The following GPC5 variants were observed in gnomAD, a reference collection of about 807,000 sequenced individuals.
GPC5 encodes the protein glypican-5.
GPC5 carries 47 observed loss-of-function variants against 53.9 expected under a neutral mutation model. The ratio of observed to expected loss-of-function variants is 0.87; its 90% CI spans 0.69 to 1.11. The LOEUF (loss-of-function observed/expected upper bound fraction) is 1.11. GPC5 is among the 50% of genes most tolerant of loss of function. The pLI is 0.00. For missense variants in GPC5, 748 were observed against 713.1 expected (o/e 1.05, Z -0.56); for synonymous variants, 286 against 263.3 (o/e 1.09, Z -0.84).
intron 5 of GPC5, among the ~76,000 whole-genome samples, chr13:91,878,276 T>G (rs531157073): frequency 1.1e-4 from 16 of 152,196 alleles, no homozygotes; most frequent in Non-Finnish European, 2.4e-4. Context: ...TTCAATATTT[T>G]TTATTTGCTC....
chr13:91,914,958 T>G (rs890514845), intron 6 of GPC5, among the ~76,000 whole-genome samples: 1 of 152,196 alleles, frequency 6.6e-6, no homozygotes, highest in African/African-American at 2.4e-5. Context: ...ATTGGTCAGT[T>G]GCTAATTGCA....
intron 5 of GPC5, among the ~76,000 whole-genome samples, chr13:91,828,690 C>T (rs1394065074): frequency 1.3e-5 from 2 of 151,848 alleles, no homozygotes; most frequent in Non-Finnish European, 2.9e-5. Context: ...TGAAGAAGCT[C>T]CAAATGTACA....
At chr13:92,557,744 G>A (rs1468183243) in intron 7 of GPC5, among the ~76,000 whole-genome samples, 1 of 151,840 alleles carries the variant, frequency 6.6e-6, no homozygotes, top group African/African-American at 2.4e-5. Flanking sequence ...ACTAATGATT[G>A]TAAATTGGCT....
intron 7 of GPC5, among the ~76,000 whole-genome samples, chr13:92,218,117 G>T (rs1437564002): frequency 6.6e-6 from 1 of 151,612 alleles, no homozygotes; most frequent in Non-Finnish European, 1.5e-5. Flanking sequence ...TAGTAGAGAT[G>T]GCGTCTTGCT....
intron 7 of GPC5, among the ~76,000 whole-genome samples, chr13:92,420,743 T>A (rs149532622): frequency 0.011 from 1,703 of 152,300 alleles, 33 homozygotes; most frequent in African/African-American, 0.039. Context: ...GAACATGAGA[T>A]GTTTGTCTTT....
chr13:92,210,360 T>C (rs1437991817), intron 7 of GPC5, among the ~76,000 whole-genome samples: 2 of 152,196 alleles, frequency 1.3e-5, no homozygotes, highest in Admixed American at 6.5e-5. Context: ...TTAATAGATA[T>C]TTTAAAAATT....
intron 7 of GPC5, among the ~76,000 whole-genome samples, chr13:92,819,521 A>G (rs967871685): frequency 1.3e-5 from 2 of 152,192 alleles, no homozygotes; most frequent in Non-Finnish European, 2.9e-5. Flanking sequence ...GACTAGATGA[A>G]CTGTAAAACA....
intron 7 of GPC5, among the ~76,000 whole-genome samples, chr13:92,302,337 C>T (rs1239183220): frequency 1.3e-5 from 2 of 151,900 alleles, no homozygotes; most frequent in African/African-American, 2.4e-5. Context: ...ATTCTATGCA[C>T]GTGAATTAAA....
At chr13:92,829,402 G>A (rs1044773312) in intron 7 of GPC5, among the ~76,000 whole-genome samples, 1 of 152,158 alleles carries the variant, frequency 6.6e-6, no homozygotes, top group African/African-American at 2.4e-5. Flanking sequence ...TATTCAGACA[G>A]ACTCACTACA....
chr13:92,365,007 C>T (rs1201706904), intron 7 of GPC5, among the ~76,000 whole-genome samples: 1 of 151,674 alleles, frequency 6.6e-6, no homozygotes, highest in East Asian at 1.9e-4. Context: ...AGTATATCCC[C>T]ATGTGAATAA....
At chr13:92,200,747 G>A (rs1035730006) in intron 7 of GPC5, among the ~76,000 whole-genome samples, 1 of 152,164 alleles carries the variant, frequency 6.6e-6, no homozygotes, top group Non-Finnish European at 1.5e-5. Flanking sequence ...ACCAATTATT[G>A]TAGCTAAAGA....
intron 7 of GPC5, among the ~76,000 whole-genome samples, chr13:92,236,494 A>T (rs2042570662): frequency 6.6e-6 from 1 of 152,114 alleles, no homozygotes; most frequent in South Asian, 2.1e-4. Flanking sequence ...TGTGTTGGAA[A>T]GGTGAAATTG....
chr13:91,593,523 G>T (rs1293833857), intron 2 of GPC5, among the ~76,000 whole-genome samples: 2 of 152,106 alleles, frequency 1.3e-5, no homozygotes, highest in African/African-American at 4.8e-5. Context: ...CACTGTGTGT[G>T]CCTGGCTTAA....
chr13:92,683,614 T>A (rs1887170030), intron 7 of GPC5, among the ~76,000 whole-genome samples: 1 of 152,248 alleles, frequency 6.6e-6, no homozygotes, highest in Non-Finnish European at 1.5e-5. Context: ...ACTTTTTCTA[T>A]TAATTTATAA....
intron 2 of GPC5, among the ~76,000 whole-genome samples, chr13:91,572,770 C>A (rs929231128): frequency 2.6e-5 from 4 of 151,958 alleles, no homozygotes; most frequent in Admixed American, 2.6e-4. Flanking sequence ...ATATCACAGT[C>A]CTTCCCAAAA....
intron 2 of GPC5, among the ~76,000 whole-genome samples, chr13:91,515,896 G>T (rs896010138): frequency 6.6e-6 from 1 of 152,064 alleles, no homozygotes; most frequent in Non-Finnish European, 1.5e-5. Context: ...GGCAGGAGGT[G>T]AAAGGCACTT....
At position 92,703,789 on chromosome 13, in the gene GPC5, T is replaced by A. The variant is rs529852587; in HGVS notation, c.1562-162493T>A. 9.9e-5 allele frequency among the ~76,000 whole-genome samples: 15 copies of A among 152,002 alleles called. No individual in the cohort carries two copies. The East Asian group carries it at 2.9e-3, about 29-fold the overall frequency. On this transcript the variant is annotated intron_variant, in intron 7 of 7. Transcript: ENST00000377067. ...AAATGTAGATTTTAATTAACTAGTG[T>A]TCTGTTCAGTAAGTTTAAATATAGT...
chr13:92,486,493 A>G (rs1034411980), intron 7 of GPC5, among the ~76,000 whole-genome samples: 2 of 152,120 alleles, frequency 1.3e-5, no homozygotes, highest in African/African-American at 2.4e-5. Flanking sequence ...GACATTTCCA[A>G]CTCCTTAAAA....
intron 6 of GPC5, among the ~76,000 whole-genome samples, chr13:92,056,478 C>T (rs974902098): frequency 6.6e-6 from 1 of 152,144 alleles, no homozygotes; most frequent in African/African-American, 2.4e-5. Flanking sequence ...GGAGGGGGAG[C>T]ATGACTCTGT....
Sources: allele counts gnomAD v4.1 joint callset (sites outside exome capture counted in the v4.1 genomes callset), GRCh38; gene constraint gnomAD v4.1.1; transcripts MANE v1.5; gene names NCBI Gene and HGNC (gene_info 2026-07-23, HGNC 2026-07-21).